Variants in PPARG observed in about 807,000 individuals in gnomAD.
PPARG encodes peroxisome proliferator-activated receptor gamma.
Under a neutral mutation model 39.2 loss-of-function variants are expected in PPARG, and 17 were observed. The observed-to-expected ratio is 0.43, with a 90% confidence interval of 0.30 to 0.65. PPARG has a LOEUF of 0.65. Ranked by LOEUF, PPARG falls within the 30% of genes least tolerant of loss-of-function variation. The pLI, the probability that PPARG is intolerant of heterozygous loss-of-function variation, is 0.13. For missense variants in PPARG, 406 were observed against 585.9 expected (o/e 0.69, Z 3.17); for synonymous variants, 223 against 215.7 (o/e 1.03, Z -0.30).
intron 4 of PPARG, among the ~76,000 whole-genome samples, chr3:12,386,950 GT>G (rs1272140598): frequency 6.8e-6 from 1 of 146,602 alleles, no homozygotes; most frequent in Admixed American, 7.1e-5. Context: ...ACTCCCACCT[GT>G]GAGTGAGAAC....
At chr3:12,347,256 A>AG (rs1298478129) in intron 2 of PPARG, among the ~76,000 whole-genome samples, 5 of 151,820 alleles carry the variant, frequency 3.3e-5, no homozygotes, top group Non-Finnish European at 5.9e-5. Context: ...AGGCTGAGGC[A>AG]GGGGGGTCAC....
chr3:12,301,665 G>T (rs2124954859), intron 1 of PPARG: 1 of 146,826 alleles, frequency 6.8e-6, no homozygotes, highest in Non-Finnish European at 1.5e-5. Flanking sequence ...AACGAAGGTA[G>T]GAGTCTGCTC....
intron 2 of PPARG, among the ~76,000 whole-genome samples, chr3:12,347,217 G>A (rs2048352039): frequency 6.6e-6 from 1 of 151,816 alleles, no homozygotes; most frequent in Non-Finnish European, 1.5e-5. Context: ...GAGTGTGGTG[G>A]CGAGCAACTG....
chr3:12,327,740 A>C (rs1019536135), intron 2 of PPARG, among the ~76,000 whole-genome samples: 1 of 152,182 alleles, frequency 6.6e-6, no homozygotes. Context: ...TCTTCAGAAA[A>C]TATATTCAGA....
In PPARG at chr3:12,381,218, A is replaced by G. The variant is rs2049640481; in HGVS notation, c.221-104A>G. ...TGTTCCACTGTGCTTTTACACTGAA[A>G]CAATACAAATACAGCATGAAGGTGT... On this transcript the variant is annotated intron_variant, in intron 3 of 7. Transcript: ENST00000651735. 8 of 1,170,022 alleles carry G rather than the reference A, an allele frequency of 6.8e-6. No homozygotes were observed. In the South Asian group the frequency reaches 7.9e-5, roughly 12 times the overall value. 72.5% of individuals were successfully genotyped at this position (1,170,022 alleles called of 1,614,324 possible).
Position 12,351,580 on chromosome 3 carries a change from A to G in PPARG, c.-8-28124A>G, listed in dbSNP as rs748929397. The G allele has an allele frequency of 3.2e-6, 5 of 1,582,752 alleles. No individual in the cohort carries two copies. In the South Asian group the frequency reaches 5.5e-5, roughly 17 times the overall value. ...TCAGTGTGAATTACAGCAAACCCCT[A>G]TTCCATGCTGTTATGGGTGAAACTC... On this transcript the variant is annotated intron_variant, in intron 2 of 7. Coordinates refer to ENST00000651735, the MANE Select transcript of PPARG (RefSeq NM_138711.6).
rs1382992998 is a variant in PPARG, at chr3:12,326,089, A to G, written c.-9+13636A>G. On this transcript the variant is annotated intron_variant, in intron 2 of 7. Coordinates refer to ENST00000651735, the MANE Select transcript of PPARG (RefSeq NM_138711.6). ...CAAATTTAGTAATGCTTCCTATCTT[A>G]AACACATGATTTCACTTGTCTTCTG... Among the ~76,000 whole-genome samples the G allele has an allele frequency of 2.6e-5, 4 of 152,212 alleles. No individual in the cohort carries two copies. The East Asian group carries it at 7.7e-4, about 29-fold the overall frequency.
intron 3 of PPARG, among the ~76,000 whole-genome samples, chr3:12,380,929 A>G (rs1355604781): frequency 6.6e-6 from 1 of 152,202 alleles, no homozygotes; most frequent in Non-Finnish European, 1.5e-5. Flanking sequence ...AAGTACTTAT[A>G]AAATGGAATA....
At chr3:12,393,234 C>T (rs4135335) in intron 5 of PPARG, among the ~76,000 whole-genome samples, 2,970 of 126,236 alleles carry the variant, frequency 0.024, 110 homozygotes, top group African/African-American at 0.084. Context: ...TATGCAAAGA[C>T]GAGTATTCGT....
intron 4 of PPARG, among the ~76,000 whole-genome samples, chr3:12,390,231 G>C (rs2125206221): frequency 6.6e-6 from 1 of 152,252 alleles, no homozygotes; most frequent in Admixed American, 6.5e-5. Context: ...TGTGGGGAGT[G>C]TACATTGGTA....
At chr3:12,308,343 CAAAAAAAA>C (rs57225468) in intron 1 of PPARG, among the ~76,000 whole-genome samples, 21 of 37,294 alleles carry the variant, frequency 5.6e-4, no homozygotes, top group African/African-American at 1.9e-3. Flanking sequence ...GACCCTGTCT[CAAAAAAAA>C]AAAAAAAAAA....
intron 5 of PPARG, among the ~76,000 whole-genome samples, chr3:12,403,401 G>C (rs2050549099): frequency 6.6e-6 from 1 of 151,864 alleles, no homozygotes; most frequent in Non-Finnish European, 1.5e-5. Context: ...CCAGGCTAAA[G>C]TGTAGTGGCT....
intron 2 of PPARG, among the ~76,000 whole-genome samples, chr3:12,313,108 A>G (rs1241087399): frequency 6.6e-5 from 10 of 152,204 alleles, no homozygotes. Context: ...GAGACCTGTC[A>G]CTTTAAGGTT....
intron 4 of PPARG, among the ~76,000 whole-genome samples, chr3:12,389,702 C>T (rs987380694): frequency 2.0e-5 from 3 of 151,958 alleles, no homozygotes; most frequent in African/African-American, 7.3e-5. Context: ...ACCAGCCTGG[C>T]CAACTTGGTG....
intron 5 of PPARG, among the ~76,000 whole-genome samples, chr3:12,403,003 G>A (rs771370361): frequency 6.6e-5 from 10 of 152,128 alleles, no homozygotes; most frequent in Non-Finnish European, 1.3e-4. Flanking sequence ...TGTATAAATA[G>A]TTCCTATGGC....
intron 1 of PPARG, among the ~76,000 whole-genome samples, chr3:12,292,074 C>G (rs1250746437): frequency 2.6e-5 from 4 of 152,190 alleles, no homozygotes; most frequent in Non-Finnish European, 5.9e-5. Flanking sequence ...GTTCAAACCT[C>G]AATAACTTTG....
chr3:12,346,429 A>G (rs554854240), intron 2 of PPARG, among the ~76,000 whole-genome samples: 4 of 152,226 alleles, frequency 2.6e-5, no homozygotes, highest in Non-Finnish European at 4.4e-5. Context: ...GACCTTAAGG[A>G]TTATTCTGTT....
intron 1 of PPARG, among the ~76,000 whole-genome samples, chr3:12,299,777 C>G (rs2046881954): frequency 6.6e-6 from 1 of 151,984 alleles, no homozygotes; most frequent in African/African-American, 2.4e-5. Flanking sequence ...GAGACTGTCC[C>G]ATTAACATCA....
intron 2 of PPARG, among the ~76,000 whole-genome samples, chr3:12,313,780 A>G (rs1288328343): frequency 6.6e-6 from 1 of 152,224 alleles, no homozygotes; most frequent in Non-Finnish European, 1.5e-5. Flanking sequence ...ATAATATTGA[A>G]TTATAATCTG....
Sources: gnomAD v4.1 joint callset for allele counts (sites outside exome capture counted in the v4.1 genomes callset) on GRCh38, gnomAD v4.1.1 for gene constraint, MANE v1.5 for transcripts, NCBI Gene and HGNC (gene_info 2026-07-23, HGNC 2026-07-21) for gene names.